Variants in OR10H1 observed in about 807,000 individuals in gnomAD.
OR10H1 encodes the protein olfactory receptor 10H1.
A neutral mutation model predicts 13.1 loss-of-function variants in OR10H1; 12 were observed. The ratio of observed to expected loss-of-function variants is 0.92; its 90% CI spans 0.59 to 1.48. The LOEUF is 1.48. Among genes scored for constraint, OR10H1 ranks in the 40% most tolerant of loss-of-function variants. The pLI, the probability that OR10H1 is intolerant of heterozygous loss-of-function variation, is 0.00. For missense variants in OR10H1, 363 were observed against 413.1 expected (o/e 0.88, Z 1.05); for synonymous variants, 168 against 175.6 (o/e 0.96, Z 0.34).
At position 15,807,149 on chromosome 19, in the gene OR10H1, C is replaced by T. The variant is rs1437714955; in HGVS notation, c.889G>A (p.Glu297Lys). ...SPIIFSLRNK[E>K]LKVAMKKTFF... ...GTCTTCTTCATGGCGACCTTCAGCTCCTTGTTCCTGAGGCTGAAGATGATG... is the reference window on the plus strand; with the variant it reads ...GTCTTCTTCATGGCGACCTTCAGCTTCTTGTTCCTGAGGCTGAAGATGATG... The change falls in exon 4 of 4, where the codon GAG becomes AAG. Residue 297 changes from glutamate to lysine, a missense_variant. Around this residue, in one of 3 missense-constraint regions of OR10H1, gnomAD observed 42 missense variants for 30.3 expected, o/e 1.39. Transcript: ENST00000641419. The T allele has an allele frequency of 3.7e-6, 6 of 1,614,016 alleles. No individual in the cohort carries two copies. Among genetic ancestry groups the T allele is most frequent in the African/African-American group, 2.7e-5 (2 of 74,902 alleles).
At chr19:15,808,511 C>T (rs1289450286) in intron 3 of OR10H1, among the ~76,000 whole-genome samples, 1 of 152,158 alleles carries the variant, frequency 6.6e-6, no homozygotes, top group Non-Finnish European at 1.5e-5. Context: ...ATGATGGCAC[C>T]ACTGTACTCC....
rs958968267 is a variant in OR10H1 at position 15,807,024 on chromosome 19, G to T, written c.*57C>A. On this transcript the variant is annotated 3_prime_UTR_variant, in exon 4 of 4. Coordinates refer to ENST00000641419, the MANE Select transcript of OR10H1 (RefSeq NM_013940.4). ...TTACAGGCATGAGTCACCACGGAAC[G>T]TAATTTTTAACAATAGCCTTCGGTA... 5 of 1,512,738 alleles carry T rather than the reference G, an allele frequency of 3.3e-6. No individual in the cohort carries two copies. The highest frequency in any genetic ancestry group is 1.8e-6 in the Non-Finnish European group (2 of 1,106,440). The allele number at this position is 1,512,738 out of a possible 1,614,324, so 93.7% of individuals were successfully genotyped here.
At chr19:15,815,315 T>C (rs961272640) in intron 1 of OR10H1, among the ~76,000 whole-genome samples, 4 of 142,544 alleles carry the variant, frequency 2.8e-5, no homozygotes, top group African/African-American at 1.1e-4. Context: ...CACTCCAGCC[T>C]GGGCTACAGA....
chr19:15,814,480 TGAGAGA>T lies in OR10H1; in HGVS notation c.-778+1069_-778+1074del, dbSNP rs58307648. Among the ~76,000 whole-genome samples the T allele has an allele frequency of 6.5e-3, 443 of 67,834 alleles. 3 individuals are homozygous for T. Among genetic ancestry groups the T allele is most frequent in the South Asian group, 0.011 (19 of 1,760 alleles). The allele number at this position is 67,834 out of a possible 152,430, so 44.5% of individuals were successfully genotyped here. On this transcript the variant is annotated intron_variant, in intron 1 of 3. Transcript: ENST00000641419. Reference sequence around the variant, plus strand: ...GTGTGTGTGTGTGTGTGTGTGTGTGTGAGAGAGAGAGAGAGAGAGAGAGAGAGAGAG... The same window carrying T: ...GTGTGTGTGTGTGTGTGTGTGTGTGTGAGAGAGAGAGAGAGAGAGAGAGAG...
In OR10H1 at chr19:15,808,163, C is replaced by T. The variant is rs1405048363; in HGVS notation, c.-11-115G>A. The T allele has an allele frequency of 1.5e-5, 12 of 806,336 alleles. No individual in the cohort carries two copies. The Admixed American group carries it at 3.0e-4, about 20-fold the overall frequency. 49.9% of individuals were successfully genotyped at this position (806,336 alleles called of 1,614,324 possible). On this transcript the variant is annotated intron_variant, in intron 3 of 3. Coordinates refer to ENST00000641419, the MANE Select transcript of OR10H1 (RefSeq NM_013940.4). ...TCTTGATAAATGGTTTGGTTCCATT[C>T]CCACTCTGTACCTCCTATAATTTAA...
chr19:15,814,256 C>T (rs141550602), intron 1 of OR10H1, among the ~76,000 whole-genome samples: 27 of 152,154 alleles, frequency 1.8e-4, no homozygotes, highest in Non-Finnish European at 2.9e-4. Flanking sequence ...ACTCCATGGG[C>T]CAGGCCTGTC....
chr19:15,807,943 A>C lies in OR10H1; in HGVS notation c.95T>G (p.Leu32Arg), dbSNP rs2088912241. The change falls in exon 4 of 4, where the codon CTG becomes CGG. Residue 32 changes from leucine to arginine, a missense_variant. By Grantham distance (102) the Leu-to-Arg change is moderately radical (BLOSUM62 -2). Transcript: ENST00000641419. ...CAGCAGCGTGAACAGGTACATCAGC[A>C]GGAACAGCAGGAAGAGCATCAGCTG... Reference protein sequence around the residue: ...HLQLMLFLLFLLMYLFTLLGN... With the variant: ...HLQLMLFLLFRLMYLFTLLGN... 8.7e-6 allele frequency: 14 copies of C among 1,614,172 alleles called. No homozygotes were observed. The highest frequency in any genetic ancestry group is 1.1e-5 in the Non-Finnish European group (13 of 1,180,032).
rs146111076 is a variant in OR10H1, at chr19:15,807,924, C to T, written c.114G>A (p.Thr38=). ...CCATGATGAGCAGGTTGCCCAGCAG[C>T]GTGAACAGGTACATCAGCAGGAACA... ...FLLFLLMYLF[T]LLGNLLIMAT... Residue 38 remains threonine (T), a synonymous_variant, in exon 4 of 4, where the codon ACG becomes ACA. Coordinates refer to ENST00000641419, the MANE Select transcript of OR10H1 (RefSeq NM_013940.4). 44 of 1,613,812 alleles carry T rather than the reference C, an allele frequency of 2.7e-5. No homozygotes were observed. Among genetic ancestry groups the T allele is most frequent in the South Asian group, 8.8e-5 (8 of 91,072 alleles).
intron 1 of OR10H1, among the ~76,000 whole-genome samples, chr19:15,814,522 A>AGAGAGT (rs1814363006): frequency 1.2e-4 from 14 of 121,572 alleles, no homozygotes; most frequent in African/African-American, 4.6e-4. Flanking sequence ...AGAGAGAGAG[A>AGAGAGT]GAGAGAGAGA....
At chr19:15,811,161 C>G (rs1176649008) in intron 2 of OR10H1, among the ~76,000 whole-genome samples, 1 of 152,154 alleles carries the variant, frequency 6.6e-6, no homozygotes, top group African/African-American at 2.4e-5. Context: ...TTTTGCCCCA[C>G]TTCTGGGTCA....
intron 2 of OR10H1, among the ~76,000 whole-genome samples, chr19:15,809,112 G>C (rs1460986458): frequency 6.6e-6 from 1 of 152,046 alleles, no homozygotes; most frequent in African/African-American, 2.4e-5. Context: ...TCTAAGGAAG[G>C]AGCCAGAAAT....
chr19:15,807,100 T>C lies in OR10H1; in HGVS notation c.938A>G (p.Glu313Gly). The change falls in exon 4 of 4, where the codon GAA becomes GGA. Residue 313 changes from glutamate (E) to glycine (G), a missense_variant. Coordinates refer to ENST00000641419, the MANE Select transcript of OR10H1 (RefSeq NM_013940.4). ...KKTFFSKLYP[E>G]KNVMM The stretch of plus-strand genomic sequence containing the variant: ...TTTCTCCTACATCATTACATTTTTT[T>C]CTGGGTAGAGTTTACTGAAGAAGGT... The C allele has an allele frequency of 6.2e-7, 1 of 1,610,396 alleles. No homozygotes were observed. The highest frequency in any genetic ancestry group is 8.5e-7 in the Non-Finnish European group (1 of 1,178,796).
chr19:15,810,267 C>T (rs575877889), intron 2 of OR10H1, among the ~76,000 whole-genome samples: 1 of 126,640 alleles, frequency 7.9e-6, no homozygotes, highest in Non-Finnish European at 1.6e-5. Flanking sequence ...GCACTCCAGG[C>T]TGGGTGACAG....
At chr19:15,811,415 T>C (rs897452776) in intron 2 of OR10H1, among the ~76,000 whole-genome samples, 1 of 152,132 alleles carries the variant, frequency 6.6e-6, no homozygotes, top group African/African-American at 2.4e-5. Context: ...TGGGGAGCTG[T>C]TCTGTGTCTC....
chr19:15,815,340 CA>C (rs10648172), intron 1 of OR10H1, among the ~76,000 whole-genome samples: 1,684 of 115,786 alleles, frequency 0.015, 18 homozygotes, highest in African/African-American at 0.039. Context: ...GATTCCGTCT[CA>C]AAAAAAAAAA....
Position 15,807,375 on chromosome 19 carries a change from G to T in OR10H1, c.663C>A (p.Phe221Leu), listed in dbSNP as rs1373421540. Residue 221 changes from phenylalanine (F) to leucine (L), a missense_variant, in exon 4 of 4, where the codon TTC becomes TTA. This residue lies in a region of OR10H1 where 318 missense variants were observed against 366.6 expected (regional missense o/e 0.87). Coordinates refer to ENST00000641419, the MANE Select transcript of OR10H1 (RefSeq NM_013940.4). Reference sequence around the variant, plus strand: ...GGATCTTCAAGATGGCGGCCACGATGAAGGCATAGGAGAGGAGGATGAGGA... The same window carrying T: ...GGATCTTCAAGATGGCGGCCACGATTAAGGCATAGGAGAGGAGGATGAGGA... ...CFLLILLSYA[F>L]IVAAILKIPS... 6.2e-7 allele frequency: 1 copy of T among 1,614,164 alleles called. No individual in the cohort carries two copies. The highest frequency in any genetic ancestry group is 1.1e-5 in the South Asian group (1 of 91,084).
Position 15,807,226 on chromosome 19 carries a change from C to T in OR10H1, c.812G>A (p.Gly271Glu). ...LKPKSPQSLE[G>E]DTLMGITYTV... ...GTAGGTGATGCCCATCAAGGTGTCT[C>T]CTTCCAGAGACTGGGGACTTTTGGG... Residue 271 changes from glycine (G) to glutamate (E), a missense_variant, in exon 4 of 4, where the codon GGA (glycine) becomes GAA (glutamate). Transcript: ENST00000641419. 1 of 1,614,044 alleles carries T rather than the reference C, an allele frequency of 6.2e-7. No individual in the cohort carries two copies. Among genetic ancestry groups the T allele is most frequent in the Non-Finnish European group, 8.5e-7 (1 of 1,180,022 alleles).
At position 15,811,737 on chromosome 19, in the gene OR10H1, C is replaced by T. The variant is rs139661923; in HGVS notation, c.-129+493G>A. Among the ~76,000 whole-genome samples the T allele has an allele frequency of 7.2e-5, 11 of 152,284 alleles. No individual in the cohort carries two copies. The East Asian group carries it at 1.9e-3, about 27-fold the overall frequency. On this transcript the variant is annotated intron_variant, in intron 2 of 3. Coordinates refer to ENST00000641419, the MANE Select transcript of OR10H1 (RefSeq NM_013940.4). ...CCAAGGCATATTAAGCCACCCATTC[C>T]TGGGTGCTTTCAAAATAATGATTCC...
At chr19:15,811,966 A>C (rs2088934686) in intron 2 of OR10H1, among the ~76,000 whole-genome samples, 1 of 152,174 alleles carries the variant, frequency 6.6e-6, no homozygotes, top group African/African-American at 2.4e-5. Context: ...ACTCAACAAC[A>C]ACACCGATGA....
Sources: allele counts gnomAD v4.1 joint callset (sites outside exome capture counted in the v4.1 genomes callset), GRCh38; gene constraint gnomAD v4.1.1; regional missense constraint gnomAD v4.1.1; transcripts MANE v1.5; gene names NCBI Gene and HGNC (gene_info 2026-07-23, HGNC 2026-07-21).